Variants in PCDH17 observed in about 807,000 individuals in gnomAD.
PCDH17 encodes protocadherin 17, also known as protocadherin-17.
A neutral mutation model predicts 67.7 loss-of-function variants in PCDH17; 21 were observed. The ratio of observed to expected loss-of-function variants is 0.31; its 90% CI spans 0.22 to 0.45. The LOEUF is 0.45. PCDH17 is among the 20% of genes least tolerant of loss of function. The pLI, the probability that PCDH17 is intolerant of heterozygous loss-of-function variation, is 1.00. For missense variants in PCDH17, 1,471 were observed against 1,564.8 expected (o/e 0.94, Z 1.01); for synonymous variants, 701 against 656.7 (o/e 1.07, Z -1.03).
At chr13:57,685,106 TA>T (rs1955493613) in intron 3 of PCDH17, among the ~76,000 whole-genome samples, 2 of 151,972 alleles carry the variant, frequency 1.3e-5, no homozygotes, top group African/African-American at 4.8e-5. Flanking sequence ...TGTTGCCATA[TA>T]AATTCTTATT....
chr13:57,706,208 A>G (rs1593942167), intron 3 of PCDH17, among the ~76,000 whole-genome samples: 1 of 152,144 alleles, frequency 6.6e-6, no homozygotes, highest in African/African-American at 2.4e-5. Flanking sequence ...GAACAATTAC[A>G]TATGTGTTTC....
Position 57,634,135 on chromosome 13 carries a change from C to G in PCDH17, c.1589C>G (p.Thr530Arg). The change falls in exon 1 of 4, where the codon ACG becomes AGG. Residue 530 changes from threonine (T) to arginine (R), a missense_variant. By Grantham distance (71) the Thr-to-Arg change is moderately conservative (BLOSUM62 -1). This residue lies in a region of PCDH17 where 1,163 missense variants were observed against 1,230.0 expected (regional missense o/e 0.95). Transcript: ENST00000377918. This position sits in a 1 kb window ranked among gnomAD's most constrained non-coding sequence, Gnocchi z 7.8. ...SIYTYVSVNP[T>R]NGAIYALRSF... The stretch of plus-strand genomic sequence containing the variant: ...TACACCTATGTGTCTGTGAATCCCA[C>G]GAACGGGGCCATCTACGCCCTGCGC... The G allele has an allele frequency of 2.5e-6, 4 of 1,613,678 alleles. No homozygotes were observed. Among genetic ancestry groups the G allele is most frequent in the Non-Finnish European group, 3.4e-6 (4 of 1,180,038 alleles).
chr13:57,688,158 T>C (rs1955525005), intron 3 of PCDH17, among the ~76,000 whole-genome samples: 1 of 151,362 alleles, frequency 6.6e-6, no homozygotes, highest in South Asian at 2.1e-4. Context: ...ATTTAAAAAA[T>C]ATTTGGGGCA....
Position 57,709,294 on chromosome 13 carries a change from T to C in PCDH17, c.2798-15318T>C, listed in dbSNP as rs367725825. On this transcript the variant is annotated intron_variant, in intron 3 of 3. Coordinates refer to ENST00000377918, the MANE Select transcript of PCDH17 (RefSeq NM_001040429.3). The stretch of plus-strand genomic sequence containing the variant: ...GTAACTAGGGATATTACAGAATAGT[T>C]TGTGACTTTAATTTTTGGGGCCTGC... 1.1e-4 allele frequency among the ~76,000 whole-genome samples: 17 copies of C among 151,882 alleles called. No homozygotes were observed. In the South Asian group the frequency reaches 2.7e-3, roughly 24 times the overall value.
In PCDH17 at chr13:57,634,169, C is replaced by G. The variant is rs1056370797; in HGVS notation, c.1623C>G (p.Asn541Lys). Residue 541 changes from asparagine to lysine, a missense_variant, in exon 1 of 4, where the codon AAC (asparagine) becomes AAG (lysine). By Grantham distance (94) the Asn-to-Lys change is moderately conservative. Around this residue, in one of 3 missense-constraint regions of PCDH17, gnomAD observed 1,163 missense variants for 1,230.0 expected, o/e 0.95. Coordinates refer to ENST00000377918, the MANE Select transcript of PCDH17 (RefSeq NM_001040429.3). This position sits in a 1 kb window ranked among gnomAD's most constrained non-coding sequence, Gnocchi z 7.8. ...NGAIYALRSFNFEQTKAFEFK... is the reference protein window; with the variant it reads ...NGAIYALRSFKFEQTKAFEFK... The stretch of plus-strand genomic sequence containing the variant: ...CCATCTACGCCCTGCGCTCCTTTAA[C>G]TTCGAGCAGACCAAGGCTTTTGAGT... 1 of 1,613,544 alleles carries G rather than the reference C, an allele frequency of 6.2e-7. No homozygotes were observed. Among genetic ancestry groups the G allele is most frequent in the Non-Finnish European group, 8.5e-7 (1 of 1,180,052 alleles).
In PCDH17 at chr13:57,655,058, CTTG is replaced by C. The variant is rs993167170; in HGVS notation, c.2566-11404_2566-11402del. On this transcript the variant is annotated intron_variant, in intron 1 of 3. Coordinates refer to ENST00000377918, the MANE Select transcript of PCDH17 (RefSeq NM_001040429.3). Reference sequence around the variant, plus strand: ...GTTGGCTGATTAGCTACTGGACTGACTTGTTGTTTATAGTCATAAAAAAGTAAA... The same window carrying C: ...GTTGGCTGATTAGCTACTGGACTGACTTGTTTATAGTCATAAAAAAGTAAA... Among the ~76,000 whole-genome samples the C allele has an allele frequency of 6.6e-5, 10 of 151,762 alleles. 1 individual carries two copies. Among genetic ancestry groups the C allele is most frequent in the Admixed American group, 3.3e-4 (5 of 15,224 alleles).
chr13:57,682,249 A>C (rs1955458462), intron 3 of PCDH17, among the ~76,000 whole-genome samples: 1 of 151,734 alleles, frequency 6.6e-6, no homozygotes, highest in East Asian at 2.0e-4. Flanking sequence ...AACATCTGTC[A>C]TTAAGCCGTG....
intron 3 of PCDH17, among the ~76,000 whole-genome samples, chr13:57,674,074 A>G (rs1955357625): frequency 6.6e-6 from 1 of 151,946 alleles, no homozygotes; most frequent in South Asian, 2.1e-4. Flanking sequence ...AGATTTTATG[A>G]TTCTCATATT....
chr13:57,642,618 A>C (rs1005731219), intron 1 of PCDH17, among the ~76,000 whole-genome samples: 5 of 151,572 alleles, frequency 3.3e-5, no homozygotes, highest in Non-Finnish European at 7.4e-5. Context: ...GAATTGTTAC[A>C]TCTCATTATC....
intron 1 of PCDH17, among the ~76,000 whole-genome samples, chr13:57,663,216 G>T (rs1051114527): frequency 2.6e-5 from 4 of 152,014 alleles, no homozygotes; most frequent in Non-Finnish European, 5.9e-5. Context: ...TCATATAAAA[G>T]TCACTGTGTT....
At chr13:57,651,836 CATATT>C (rs1352385751) in intron 1 of PCDH17, among the ~76,000 whole-genome samples, 1 of 151,938 alleles carries the variant, frequency 6.6e-6, no homozygotes, top group African/African-American at 2.4e-5. Context: ...CATATTAACA[CATATT>C]ATTATTGTTG....
chr13:57,683,442 C>A (rs1423021504), intron 3 of PCDH17, among the ~76,000 whole-genome samples: 1 of 151,762 alleles, frequency 6.6e-6, no homozygotes, highest in Non-Finnish European at 1.5e-5. Flanking sequence ...ACGTATGACT[C>A]CTTTACTTGA....
At chr13:57,657,797 A>G (rs1955126837) in intron 1 of PCDH17, among the ~76,000 whole-genome samples, 1 of 152,200 alleles carries the variant, frequency 6.6e-6, no homozygotes, top group South Asian at 2.1e-4. Context: ...TGGATTAGGA[A>G]AACACTGAAA....
chr13:57,698,719 A>G (rs1424220550), intron 3 of PCDH17, among the ~76,000 whole-genome samples: 1 of 151,978 alleles, frequency 6.6e-6, no homozygotes, highest in Non-Finnish European at 1.5e-5. Context: ...TCATAGAGAT[A>G]TAATGATCCG....
At chr13:57,682,194 A>G (rs1255988754) in intron 3 of PCDH17, among the ~76,000 whole-genome samples, 2 of 151,706 alleles carry the variant, frequency 1.3e-5, no homozygotes, top group East Asian at 1.9e-4. Flanking sequence ...TAGTCACTCC[A>G]GTTAGAAACA....
intron 1 of PCDH17, among the ~76,000 whole-genome samples, chr13:57,657,032 TCA>T (rs1407881833): frequency 3.9e-5 from 6 of 152,166 alleles, no homozygotes; most frequent in African/African-American, 1.2e-4. Context: ...TTTGATAATC[TCA>T]GTTTTCTTTG....
chr13:57,672,779 G>A (rs909749604), intron 3 of PCDH17, among the ~76,000 whole-genome samples: 4 of 151,892 alleles, frequency 2.6e-5, no homozygotes, highest in African/African-American at 9.7e-5. Flanking sequence ...TTAAGCAGTC[G>A]AGATCTTTTC....
intron 3 of PCDH17, among the ~76,000 whole-genome samples, chr13:57,669,509 T>A (rs1955295269): frequency 6.6e-6 from 1 of 152,050 alleles, no homozygotes; most frequent in Admixed American, 6.6e-5. Context: ...TCAACTATTT[T>A]ATCTATCTGT....
At chr13:57,679,182 T>C (rs1048437764) in intron 3 of PCDH17, among the ~76,000 whole-genome samples, 5 of 151,568 alleles carry the variant, frequency 3.3e-5, no homozygotes, top group Admixed American at 6.6e-5. Context: ...ATATGCAGTC[T>C]TATATTTAAT....
Sources: gnomAD v4.1 joint callset for allele counts (sites outside exome capture counted in the v4.1 genomes callset) on GRCh38, gnomAD v4.1.1 for gene constraint, gnomAD v4.1.1 regional missense constraint, Gnocchi (gnomAD v3.1) non-coding constraint, MANE v1.5 for transcripts, NCBI Gene and HGNC (gene_info 2026-07-23, HGNC 2026-07-21) for gene names.